Variants in TUBGCP6 observed in about 807,000 individuals in gnomAD.
TUBGCP6 encodes the protein tubulin gamma complex component 6, also known as gamma-tubulin complex component 6.
In TUBGCP6, 161 loss-of-function variants were observed where a neutral mutation model predicts 175.8. That is an observed-to-expected ratio of 0.92 (90% CI 0.81 to 1.04). The LOEUF (loss-of-function observed/expected upper bound fraction) is 1.04, where lower values mean the gene tolerates loss of function less well. TUBGCP6 is among the 50% of genes least tolerant of loss of function. The probability of loss-of-function intolerance (pLI) is 0.00; values close to 1 mark genes in which losing one functional copy is unlikely to be tolerated. For synonymous variants in TUBGCP6, 1,173 were observed against 1,030.5 expected (o/e 1.14, Z -2.65); for missense variants, 2,572 against 2,433.0 (o/e 1.06, Z -1.20).
intron 2 of TUBGCP6, among the ~76,000 whole-genome samples, chr22:50,237,679 G>A (rs546974497): frequency 1.1e-4 from 16 of 152,232 alleles, no homozygotes; most frequent in African/African-American, 3.6e-4. Context: ...CCACCGTGCC[G>A]GAGCTCCGCA....
At chr22:50,233,569 C>T (rs1429073829) in intron 2 of TUBGCP6, 43 bp from the exon 3 acceptor site, 1 of 1,545,166 alleles carries the variant, frequency 6.5e-7, no homozygotes. Flanking sequence ...GACGTGGTGA[C>T]CTGCACCTCA....
rs200427761 is a variant in TUBGCP6 at position 50,219,706 on chromosome 22, T to C, written c.4253A>G (p.Tyr1418Cys). ...AAEAQGGEQA[Y>C]LAGLAGQYHL... ...GTACTGCCCTGCCAGGCCTGCCAGG[T>C]AGGCCTGCTCCCCACCCTGAGCCTC... The change falls in exon 18 of 25, where the codon TAC becomes TGC. Residue 1418 changes from tyrosine to cysteine, a missense_variant. Transcript: ENST00000248846. 4 of 1,613,630 alleles carry C rather than the reference T, an allele frequency of 2.5e-6. No individual in the cohort carries two copies. Among genetic ancestry groups the C allele is most frequent in the Admixed American group, 1.7e-5 (1 of 60,014 alleles).
rs1373711628 is a variant in TUBGCP6 at position 50,220,027 on chromosome 22, C to A, written c.4109-12G>T. Reference sequence around the variant, plus strand: ...GCTCCTCCCAGGGCCTGTGTGGACACAAGTGGACACGAGGGCATCAGGGCC... The same window carrying A: ...GCTCCTCCCAGGGCCTGTGTGGACAAAAGTGGACACGAGGGCATCAGGGCC... On this transcript the variant is annotated splice_polypyrimidine_tract_variant and intron_variant, in intron 16 of 24. Coordinates refer to ENST00000248846, the MANE Select transcript of TUBGCP6 (RefSeq NM_020461.4). 6.2e-7 allele frequency: 1 copy of A among 1,612,904 alleles called. No homozygotes were observed. Among genetic ancestry groups the A allele is most frequent in the Non-Finnish European group, 8.5e-7 (1 of 1,179,358 alleles).
At chr22:50,230,407 G>C (rs1211457426) in intron 3 of TUBGCP6, among the ~76,000 whole-genome samples, 1 of 152,086 alleles carries the variant, frequency 6.6e-6, no homozygotes, top group African/African-American at 2.4e-5. Flanking sequence ...AGGAGTTCAT[G>C]ACAAGCCTGG....
Position 50,219,267 on chromosome 22 carries a change from C to CGCAGGG in TUBGCP6, c.4484+15_4484+20dup, listed in dbSNP as rs371436261. On this transcript the variant is annotated intron_variant, in intron 19 of 24. Coordinates refer to ENST00000248846, the MANE Select transcript of TUBGCP6 (RefSeq NM_020461.4). ...AGGACGGGCTGGGTGGGCAGACTGG[C>CGCAGGG]GCAGGGGCAGGGGCACTCACTGGGC... is the stretch of plus-strand genomic sequence containing the variant. 115 of 1,609,596 alleles carry CGCAGGG rather than the reference C, an allele frequency of 7.1e-5. No individual in the cohort carries two copies. In the African/African-American group the frequency reaches 9.7e-4, roughly 14 times the overall value.
In TUBGCP6 at chr22:50,244,963, G is replaced by A. The variant is rs1015699144; in HGVS notation, c.-504C>T. The A allele has an allele frequency of 2.2e-5, 5 of 225,970 alleles. No homozygotes were observed. The highest frequency in any genetic ancestry group is 1.1e-4 in the South Asian group (2 of 17,476). The allele number at this position is 225,970 out of a possible 1,614,324, so 14.0% of individuals were successfully genotyped here. A position where few individuals can be genotyped will look rare whatever the true frequency, so the allele number is the denominator to read the frequency against. On this transcript the variant is annotated 5_prime_UTR_variant, in exon 1 of 25. In the 5' UTR this introduces an upstream ATG that the reference lacks. Coordinates refer to ENST00000248846, the MANE Select transcript of TUBGCP6 (RefSeq NM_020461.4). ...TCCACCCGTTCTCCAGGCCTCACCC[G>A]TGGAAAGTGCCCACGGCTGCCGCTC...
rs200220671 is a variant in TUBGCP6 at position 50,218,778 on chromosome 22, G to A, written c.4746C>T (p.Leu1582=). 6.7e-5 allele frequency: 108 copies of A among 1,614,116 alleles called. No individual in the cohort carries two copies. The highest frequency in any genetic ancestry group is 2.2e-4 in the Admixed American group (13 of 60,028). ...ACACCTCGGGCAGGTACTTGAGAGC[G>A]AGGGAGAGGTTGGAGGCGTGCGGGG... The part of the protein sequence containing the change: ...GDTPHASNLS[L]ALKYLPEVFA... The change falls in exon 21 of 25, where the codon CTC becomes CTT. Residue 1582 remains leucine, a synonymous_variant. Coordinates refer to ENST00000248846, the MANE Select transcript of TUBGCP6 (RefSeq NM_020461.4).
rs369087899 is a variant in TUBGCP6, at chr22:50,219,891, G to A, written c.4167+66C>T. The A allele has an allele frequency of 1.6e-5, 26 of 1,604,810 alleles. 1 individual carries two copies. Among genetic ancestry groups the A allele is most frequent in the Middle Eastern group, 1.7e-4 (1 of 6,038 alleles). ...AAAATCGCATGTGGGACCCACCCGC[G>A]TGACAACCTAGAGGGACAGAGCCCT... On this transcript the variant is annotated intron_variant, in intron 17 of 24. Transcript: ENST00000248846.
chr22:50,240,376 A>C lies in TUBGCP6; in HGVS notation c.742-9T>G. Reference sequence around the variant, plus strand: ...TCCACACTCGGTGGGACCTGGAGACACAGGGAAGGGCAAACCGCCACTTAT... The same window carrying C: ...TCCACACTCGGTGGGACCTGGAGACCCAGGGAAGGGCAAACCGCCACTTAT... On this transcript the variant is annotated splice_polypyrimidine_tract_variant and intron_variant, in intron 1 of 24. Transcript: ENST00000248846. 1 of 1,611,100 alleles carries C rather than the reference A, an allele frequency of 6.2e-7. No individual in the cohort carries two copies.
In TUBGCP6 at chr22:50,229,476, G is replaced by A. The variant is rs185080513; in HGVS notation, c.1218C>T (p.Cys406=). The part of the protein sequence containing the change: ...LLSEVAEYGT[C]YTRLSHFSLQ... ...GAGAGAAATGACTCAGGCGCGTGTAGCAGGTCCCATACTCGGCCACTTCCG... is the reference window on the plus strand; with the variant it reads ...GAGAGAAATGACTCAGGCGCGTGTAACAGGTCCCATACTCGGCCACTTCCG... The change falls in exon 4 of 25, where the codon TGC becomes TGT. Residue 406 remains cysteine (C), a synonymous_variant. Transcript: ENST00000248846. 1.2e-6 allele frequency: 2 copies of A among 1,613,088 alleles called. No individual in the cohort carries two copies. Among genetic ancestry groups the A allele is most frequent in the African/African-American group, 1.3e-5 (1 of 75,056 alleles).
chr22:50,234,216 C>T (rs1322705039), intron 2 of TUBGCP6, among the ~76,000 whole-genome samples: 2 of 150,524 alleles, frequency 1.3e-5, no homozygotes, highest in Non-Finnish European at 3.0e-5. Flanking sequence ...GCATCTACAC[C>T]CAGGTCCACA....
In TUBGCP6 at chr22:50,221,420, G is replaced by A. The variant is rs748016341; in HGVS notation, c.2939C>T (p.Ser980Leu). 2.9e-5 allele frequency: 46 copies of A among 1,602,578 alleles called. No individual in the cohort carries two copies. Among genetic ancestry groups the A allele is most frequent in the Non-Finnish European group, 3.7e-5 (44 of 1,177,416 alleles). The change falls in exon 16 of 25, where the codon TCA becomes TTA. Residue 980 changes from serine (S) to leucine (L), a missense_variant. Coordinates refer to ENST00000248846, the MANE Select transcript of TUBGCP6 (RefSeq NM_020461.4). ...LQAAECSLGS[S>L]GLQLWEDSCG... is the part of the protein sequence containing the mutation. Reference sequence around the variant, plus strand: ...ACTGTCCTCCCACAGCTGTAGCCCTGAGCTGCCCAAGCTGCACTCTGCAGC... The same window carrying A: ...ACTGTCCTCCCACAGCTGTAGCCCTAAGCTGCCCAAGCTGCACTCTGCAGC...
Position 50,218,009 on chromosome 22 carries a change from A to AG in TUBGCP6, c.5276dup (p.Gly1760TrpfsTer71). ...GGTGCTCTGCACCCCGCGGGCCCCC[A>AG]GGGGGCCCCCAGGCCTGGGAGATGA... On this transcript the variant is annotated frameshift_variant, in exon 24 of 25. Transcript: ENST00000248846. LOFTEE classifies it high-confidence loss of function. 6.2e-7 allele frequency: 1 copy of AG among 1,611,912 alleles called. No individual in the cohort carries two copies. The highest frequency in any genetic ancestry group is 8.5e-7 in the Non-Finnish European group (1 of 1,179,230).
At chr22:50,234,400 CT>C (rs1376105428) in intron 2 of TUBGCP6, among the ~76,000 whole-genome samples, 2 of 147,564 alleles carry the variant, frequency 1.4e-5, no homozygotes, top group Non-Finnish European at 3.0e-5. Context: ...ATCCACACCC[CT>C]GTCCACAGCA....
chr22:50,242,300 A>G (rs2064849759), intron 1 of TUBGCP6, among the ~76,000 whole-genome samples: 1 of 151,886 alleles, frequency 6.6e-6, no homozygotes, highest in South Asian at 2.1e-4. Context: ...AAAAAAAAAA[A>G]TCAAATAAAA....
chr22:50,232,000 C>T (rs909622339), intron 3 of TUBGCP6, among the ~76,000 whole-genome samples: 37 of 151,692 alleles, frequency 2.4e-4, no homozygotes, highest in Non-Finnish European at 1.0e-4. Flanking sequence ...GCAGGCAGAT[C>T]ACTTGAGCCC....
chr22:50,222,744 TCA>T, intron 13 of TUBGCP6, 152 bp from the exon 14 acceptor site: 1 of 1,098,392 alleles, frequency 9.1e-7, no homozygotes. Flanking sequence ...CTCTGGGCCC[TCA>T]CAGCACCTAC....
chr22:50,227,674 G>A (rs2064632499), intron 5 of TUBGCP6, among the ~76,000 whole-genome samples: 1 of 152,248 alleles, frequency 6.6e-6, no homozygotes, highest in Non-Finnish European at 1.5e-5. Flanking sequence ...TTAGGCAGGA[G>A]CCACCGGACC....
chr22:50,218,857 A>G lies in TUBGCP6; in HGVS notation c.4667T>C (p.Leu1556Pro). The G allele has an allele frequency of 6.2e-7, 1 of 1,613,702 alleles. No homozygotes were observed. The highest frequency in any genetic ancestry group is 1.3e-5 in the African/African-American group (1 of 75,054). ...GQTPGELLNP[L>P]VLNSVLSKAL... is the part of the protein sequence containing the mutation. Reference sequence around the variant, plus strand: ...CTTGCTCAGCACAGAGTTCAGCACCAGCGGGTTGAGCAGCTCTCCGGGCGT... The same window carrying G: ...CTTGCTCAGCACAGAGTTCAGCACCGGCGGGTTGAGCAGCTCTCCGGGCGT... Residue 1556 changes from leucine to proline, a missense_variant, in exon 21 of 25, where the codon CTG (leucine) becomes CCG (proline). Transcript: ENST00000248846.
Sources: gnomAD v4.1 joint callset for allele counts (sites outside exome capture counted in the v4.1 genomes callset) on GRCh38, gnomAD v4.1.1 for gene constraint, MANE v1.5 for transcripts, NCBI Gene and HGNC (gene_info 2026-07-23, HGNC 2026-07-21) for gene names.